The following USP50 variants were observed in gnomAD, a reference collection of about 807,000 sequenced individuals.
USP50 encodes the protein ubiquitin specific peptidase 50.
In USP50, 37 loss-of-function variants were observed where a neutral mutation model predicts 39.2. That is an observed-to-expected ratio of 0.94 (90% confidence interval 0.73 to 1.24). The LOEUF (loss-of-function observed/expected upper bound fraction) is 1.24. USP50 is among the 50% of genes most tolerant of loss of function. The pLI is 0.00. For synonymous variants in USP50, 139 were observed against 144.5 expected, an observed-to-expected ratio of 0.96 and a Z score of 0.27; for missense variants, 374 against 398.2, an observed-to-expected ratio of 0.94 and a Z score of 0.52.
downstream of USP50, chr15:50,500,350 GATT>G (rs2052560982): frequency 6.5e-6 from 1 of 154,762 alleles, no homozygotes; most frequent in Non-Finnish European, 1.4e-5. Context: ...GAATATATAT[GATT>G]ATGAGATATT....
chr15:50,521,638 T>C (rs1216292257), intron 6 of USP50, among the ~76,000 whole-genome samples: 2 of 152,060 alleles, frequency 1.3e-5, no homozygotes, highest in Non-Finnish European at 2.9e-5. Context: ...TGACAAACTA[T>C]TAGCTAGACT....
At chr15:50,494,306 G>A in intron 1 of USP50, 3 of 1,577,630 alleles carry the variant, frequency 1.9e-6, no homozygotes, top group Non-Finnish European at 2.6e-6. Flanking sequence ...TTTCTAAGTT[G>A]CAGAGACTCT....
At chr15:50,516,128 C>T (rs775387622) in intron 6 of USP50, among the ~76,000 whole-genome samples, 2 of 152,006 alleles carry the variant, frequency 1.3e-5, no homozygotes, top group Admixed American at 6.6e-5. Flanking sequence ...CCCATGGTAA[C>T]CACAAAGCCA....
At chr15:50,520,519 C>G (rs1354415250) in intron 6 of USP50, among the ~76,000 whole-genome samples, 1 of 151,854 alleles carries the variant, frequency 6.6e-6, no homozygotes, top group African/African-American at 2.4e-5. Context: ...AGGCTGGTCT[C>G]AAACTCCTGG....
At chr15:50,515,272 T>C (rs1404086565) in intron 6 of USP50, among the ~76,000 whole-genome samples, 4 of 152,086 alleles carry the variant, frequency 2.6e-5, no homozygotes, top group Admixed American at 1.3e-4. Flanking sequence ...GACGGAGTCT[T>C]GCTCTGTCGC....
intron 2 of USP50, chr15:50,544,088 G>T: frequency 2.7e-6 from 1 of 364,004 alleles, no homozygotes; most frequent in Non-Finnish European, 5.1e-6. Flanking sequence ...AGCACTTTGG[G>T]GGGCCGAGGT....
intron 6 of USP50, chr15:50,503,775 A>G (rs769148233): frequency 2.6e-5 from 4 of 152,216 alleles, no homozygotes; most frequent in Non-Finnish European, 4.4e-5. Flanking sequence ...TTGCATGTTA[A>G]CTCAGACCTA....
chr15:50,513,972 A>G (rs1459343162), intron 6 of USP50: 1 of 152,246 alleles, frequency 6.6e-6, no homozygotes, highest in Non-Finnish European at 1.5e-5. Flanking sequence ...GAATGTTTAT[A>G]GCAACCCTCT....
chr15:50,497,351 T>C (rs1453227502), downstream of USP50: 14 of 1,261,946 alleles, frequency 1.1e-5, no homozygotes, highest in East Asian at 3.7e-4. Context: ...GATTATCTGG[T>C]TACAGTAGAT....
intron 6 of USP50, among the ~76,000 whole-genome samples, chr15:50,519,174 C>G (rs1369805782): frequency 6.6e-6 from 1 of 152,076 alleles, no homozygotes. Context: ...GTAGTCCCAG[C>G]TACTCGGGAG....
intron 2 of USP50, 108 bp from the exon 3 acceptor site, chr15:50,543,901 G>A: frequency 9.1e-7 from 1 of 1,100,246 alleles, no homozygotes; most frequent in Non-Finnish European, 1.3e-6. Context: ...GGTGTCTCAT[G>A]CCTGTAACCC....
chr15:50,536,026 A>T (rs980767179), intron 5 of USP50, among the ~76,000 whole-genome samples: 1 of 152,236 alleles, frequency 6.6e-6, no homozygotes, highest in African/African-American at 2.4e-5. Flanking sequence ...GTAACATCAT[A>T]CTTAATGGTG....
chr15:50,493,473 C>T (rs2052257204), downstream of USP50: 1 of 518,848 alleles, frequency 1.9e-6, no homozygotes, highest in African/African-American at 1.9e-5. Flanking sequence ...ATAATGAAGG[C>T]TGGGCATGGT....
At chr15:50,545,591 A>G (rs1022654014) in intron 1 of USP50, among the ~76,000 whole-genome samples, 2 of 151,368 alleles carry the variant, frequency 1.3e-5, no homozygotes, top group African/African-American at 4.9e-5. Flanking sequence ...TATGTATGGC[A>G]TATATATTGA....
At chr15:50,508,784 G>C (rs2052697221) in intron 6 of USP50, 1 of 151,664 alleles carries the variant, frequency 6.6e-6, no homozygotes, top group Non-Finnish European at 1.5e-5. Flanking sequence ...GATCGCCTGA[G>C]TCCAGGAGTT....
At chr15:50,503,348 A>C (rs2052616621) in intron 6 of USP50, 1 of 152,326 alleles carries the variant, frequency 6.6e-6, no homozygotes, top group South Asian at 2.1e-4. Flanking sequence ...GAAATTTAAC[A>C]ACAGTATGGT....
chr15:50,513,489 C>G (rs2052764901), intron 6 of USP50: 1 of 127,732 alleles, frequency 7.8e-6, no homozygotes, highest in Non-Finnish European at 1.6e-5. Context: ...CACCTGAGGT[C>G]ATGAGTTCGA....
rs747320579 is a variant in USP50, at chr15:50,500,819, C to T, written c.955G>A (p.Asp319Asn). ...CAVVNHFGDL[D>N]GGHYTAFCKN... ...CAGAAAGCAGTGTAGTGGCCACCAT[C>T]CAAATCACCAAAATGGTTCTATGGG... Residue 319 changes from aspartate to asparagine, a missense_variant, in exon 7 of 7, where the codon GAT becomes AAT. By Grantham distance (23) the Asp-to-Asn change is conservative. Coordinates refer to ENST00000532404, the MANE Select transcript of USP50 (RefSeq NM_203494.5). 356 of 1,583,720 alleles carry T rather than the reference C, an allele frequency of 2.2e-4. 1 individual carries two copies. The highest frequency in any genetic ancestry group is 4.4e-4 in the Admixed American group (24 of 55,154).
downstream of USP50, chr15:50,500,478 A>G (rs2052563080): frequency 3.2e-6 from 1 of 312,422 alleles, no homozygotes; most frequent in Non-Finnish European, 6.1e-6. Context: ...GTGAACCAAG[A>G]CCCATCTTCT....
Sources: allele counts gnomAD v4.1 joint callset (sites outside exome capture counted in the v4.1 genomes callset), GRCh38; gene constraint gnomAD v4.1.1; transcripts MANE v1.5; gene names NCBI Gene and HGNC (gene_info 2026-07-23, HGNC 2026-07-21).